Variants in C1QTNF5 observed in about 807,000 individuals in gnomAD.
C1QTNF5 encodes C1q and TNF related 5, also known as complement C1q tumor necrosis factor-related protein 5.
A neutral mutation model predicts 10.9 loss-of-function variants in C1QTNF5; 5 were observed. That is an observed-to-expected ratio of 0.46 (90% CI 0.24 to 0.97). The LOEUF (loss-of-function observed/expected upper bound fraction) is 0.97. C1QTNF5 is among the 50% of genes least tolerant of loss of function. The pLI, the probability that C1QTNF5 is intolerant of heterozygous loss-of-function variation, is 0.19. For missense variants in C1QTNF5, 281 were observed against 339.4 expected, an observed-to-expected ratio of 0.83 and a Z score of 1.35; for synonymous variants, 161 against 156.5, an observed-to-expected ratio of 1.03 and a Z score of -0.22.
At chr11:119,344,044 C>A (rs775672366), upstream of C1QTNF5, 57 of 1,579,288 alleles carry the variant, frequency 3.6e-5, no homozygotes, top group Non-Finnish European at 4.8e-5. Context: ...CTTCTTCCCC[C>A]ACTGCTGGCT....
chr11:119,342,091 G>T, upstream of C1QTNF5: 1 of 1,379,488 alleles, frequency 7.2e-7, no homozygotes, highest in Non-Finnish European at 1.0e-6. Flanking sequence ...TCCAATGGGG[G>T]TGGTTGTGAG....
At chr11:119,341,731 G>A (rs1950504672), upstream of C1QTNF5, 1 of 1,613,212 alleles carries the variant, frequency 6.2e-7, no homozygotes, top group African/African-American at 1.3e-5. Flanking sequence ...GCCCACACAG[G>A]AGCCTCCGGA....
chr11:119,340,509 C>T, intron 1 of C1QTNF5, 69 bp from the exon 2 acceptor site: 1 of 1,195,488 alleles, frequency 8.4e-7, no homozygotes, highest in Non-Finnish European at 1.2e-6. Context: ...CACCCCGGCG[C>T]GGCCCAGTCG....
upstream of C1QTNF5, chr11:119,342,624 G>T: frequency 6.2e-7 from 1 of 1,613,554 alleles, no homozygotes; most frequent in Non-Finnish European, 8.5e-7. Context: ...GGCCGCTGCA[G>T]TTGTCATCGC....
chr11:119,344,615 C>T (rs770708335), upstream of C1QTNF5: 2 of 1,613,846 alleles, frequency 1.2e-6, no homozygotes, highest in Non-Finnish European at 1.7e-6. Flanking sequence ...GAGAGGACCC[C>T]CATGCCTGGC....
At chr11:119,342,760 G>T (rs1950515882), upstream of C1QTNF5, 2 of 1,613,200 alleles carry the variant, frequency 1.2e-6, no homozygotes, top group Admixed American at 1.7e-5. Context: ...AGTGCCCGGG[G>T]ACATACCTAC....
At position 119,339,451 on chromosome 11, in the gene C1QTNF5, T is replaced by G; in HGVS notation, c.612A>C (p.Gln204His). ...GAMVRLEPEDQVWVQVGVGDY... is the reference protein window; with the variant it reads ...GAMVRLEPEDHVWVQVGVGDY... ...CACCCACACCCACCTGCACCCACAC[T>G]TGGTCCTCAGGCTCCAGCCTCACCA... Residue 204 changes from glutamine to histidine, a missense_variant, in exon 3 of 3, where the codon CAA becomes CAC. Gln to His is a conservative substitution (Grantham distance 24). Transcript: ENST00000528368. This position sits in a 1 kb window ranked among gnomAD's most constrained non-coding sequence, Gnocchi z 5.4. The G allele has an allele frequency of 6.2e-7, 1 of 1,613,868 alleles. No homozygotes were observed. The highest frequency in any genetic ancestry group is 1.3e-5 in the African/African-American group (1 of 75,016).
At chr11:119,341,642 C>A (rs762547647), upstream of C1QTNF5, 1 of 1,612,982 alleles carries the variant, frequency 6.2e-7, no homozygotes, top group South Asian at 1.1e-5. Context: ...GCCAGACTGG[C>A]ACTGGTGCTC....
chr11:119,339,948 A>C lies in C1QTNF5; in HGVS notation c.215-100T>G, dbSNP rs919684721. 7.3e-7 allele frequency: 1 copy of C among 1,377,346 alleles called. No homozygotes were observed. Among genetic ancestry groups the C allele is most frequent in the Non-Finnish European group, 9.4e-7 (1 of 1,059,386 alleles). The allele number at this position is 1,377,346 out of a possible 1,614,324, so 85.3% of individuals were successfully genotyped here. Reference sequence around the variant, plus strand: ...CCGTACCCCTCCCCGCCCCTGCCTGAGCTTCGGCCAGCGCCTCCTCCCGCA... The same window carrying C: ...CCGTACCCCTCCCCGCCCCTGCCTGCGCTTCGGCCAGCGCCTCCTCCCGCA... On this transcript the variant is annotated intron_variant, in intron 2 of 2. Transcript: ENST00000528368. This position sits in a 1 kb window ranked among gnomAD's most constrained non-coding sequence, Gnocchi z 5.4.
upstream of C1QTNF5, chr11:119,345,432 C>A (rs150902999): frequency 5.9e-3 from 9,554 of 1,613,792 alleles, 31 homozygotes; most frequent in Non-Finnish European, 7.3e-3. Flanking sequence ...GAGGAGGGGG[C>A]CTTCAGGCTC....
chr11:119,345,358 A>T, upstream of C1QTNF5: 1 of 1,546,768 alleles, frequency 6.5e-7, no homozygotes, highest in Non-Finnish European at 8.9e-7. Context: ...CCACTCCCTG[A>T]TTCTGCTCTT....
chr11:119,346,308 C>T, the C1QTNF5 span: 5 of 1,613,790 alleles, frequency 3.1e-6, no homozygotes, highest in African/African-American at 2.7e-5. Flanking sequence ...CTGGCATCCT[C>T]TGGGAAAACT....
chr11:119,343,069 C>T (rs1198771704), upstream of C1QTNF5: 3 of 1,541,542 alleles, frequency 1.9e-6, no homozygotes, highest in Middle Eastern at 2.2e-4. Flanking sequence ...TGCAGCCTCC[C>T]ACAGGCCTGG....
chr11:119,346,208 C>T, the C1QTNF5 span: 4 of 1,567,790 alleles, frequency 2.6e-6, no homozygotes, highest in South Asian at 4.6e-5. Context: ...TTGGGTATTC[C>T]TCATGCTGTC....
upstream of C1QTNF5, chr11:119,344,625 C>A (rs1463249613): frequency 6.2e-7 from 1 of 1,613,898 alleles, no homozygotes; most frequent in African/African-American, 1.3e-5. Flanking sequence ...CCATGCCTGG[C>A]CCGTACCCGA....
At chr11:119,344,053 C>CAG, upstream of C1QTNF5, 3 of 1,525,654 alleles carry the variant, frequency 2.0e-6, no homozygotes, top group Non-Finnish European at 2.7e-6. Context: ...CCACTGCTGG[C>CAG]TGGGGGGATG....
chr11:119,346,441 G>A, the C1QTNF5 span: 51 of 1,613,698 alleles, frequency 3.2e-5, 1 homozygote, highest in South Asian at 8.8e-5. Flanking sequence ...TTAGGAGCAC[G>A]ATTCTATGTG....
At chr11:119,342,993 C>T, upstream of C1QTNF5, 1 of 1,604,496 alleles carries the variant, frequency 6.2e-7, no homozygotes, top group Non-Finnish European at 8.5e-7. Flanking sequence ...GGTGGCTCTG[C>T]TCCACAGAAC....
chr11:119,345,092 C>A (rs1000820928), upstream of C1QTNF5: 3 of 1,515,940 alleles, frequency 2.0e-6, no homozygotes, highest in Admixed American at 4.0e-5. Context: ...GTCCTATTTT[C>A]TCAACCCCCA....
Sources: allele counts gnomAD v4.1 joint callset, GRCh38; gene constraint gnomAD v4.1.1; non-coding constraint Gnocchi (gnomAD v3.1); transcripts MANE v1.5; gene names NCBI Gene and HGNC (gene_info 2026-07-23, HGNC 2026-07-21).